Variants in SPTA1 observed in about 807,000 individuals in gnomAD.
The protein encoded by SPTA1 is spectrin alpha, erythrocytic 1.
A neutral mutation model predicts 324.7 loss-of-function variants in SPTA1; 177 were observed. That is an observed-to-expected ratio of 0.55 (90% confidence interval 0.48 to 0.62). SPTA1 has a LOEUF of 0.62. Among genes scored for constraint, SPTA1 ranks in the 20% least tolerant of loss-of-function variants. SPTA1 has a pLI of 0.00. For synonymous variants in SPTA1, 1,195 were observed against 1,041.3 expected (o/e 1.15, Z -2.84); for missense variants, 3,162 against 2,883.6 (o/e 1.10, Z -2.21).
chr1:158,657,449 C>A, intron 19 of SPTA1, 28 bp downstream of exon 19: 1 of 1,594,758 alleles, frequency 6.3e-7, no homozygotes. Context: ...GTTGAGGATT[C>A]ACAATGTTAA....
Position 158,671,454 on chromosome 1 carries a change from C to A in SPTA1, c.1489-1G>T. 1 of 1,611,448 alleles carries A rather than the reference C, an allele frequency of 6.2e-7. No homozygotes were observed. Among genetic ancestry groups the A allele is most frequent in the Non-Finnish European group, 8.5e-7 (1 of 1,178,980 alleles). Reference sequence around the variant, plus strand: ...CCAGATCCTCGTTTTCCAGGAAGGCCTGTAGAAGACAGAAAGACACACCTA... The same window carrying A: ...CCAGATCCTCGTTTTCCAGGAAGGCATGTAGAAGACAGAAAGACACACCTA... On this transcript the variant is annotated splice_acceptor_variant, in intron 11 of 51. Coordinates refer to ENST00000643759, the MANE Select transcript of SPTA1 (RefSeq NM_003126.4). LOFTEE classifies it high-confidence loss of function.
intron 2 of SPTA1, among the ~76,000 whole-genome samples, chr1:158,684,415 T>A (rs1655027950): frequency 6.6e-6 from 1 of 152,142 alleles, no homozygotes; most frequent in Admixed American, 6.6e-5. Context: ...TCCCAAAATA[T>A]CAAAAATCAC....
chr1:158,644,063 G>T (rs949214817), intron 30 of SPTA1, among the ~76,000 whole-genome samples, 190 bp downstream of exon 30: 3 of 150,026 alleles, frequency 2.0e-5, no homozygotes, highest in Non-Finnish European at 4.5e-5. Context: ...CTTGAACCCG[G>T]GAGGCAGAGG....
chr1:158,651,570 C>A, intron 23 of SPTA1, 102 bp from the exon 24 acceptor site: 1 of 809,840 alleles, frequency 1.2e-6, no homozygotes, highest in South Asian at 1.4e-5. Flanking sequence ...TCTGCCCCTA[C>A]ATCACCGTAA....
At chr1:158,627,504 T>C in intron 40 of SPTA1, 121 bp downstream of exon 40, 1 of 943,582 alleles carries the variant, frequency 1.1e-6, no homozygotes, top group Non-Finnish European at 1.7e-6. Context: ...TTAGAAGAGA[T>C]TGTTAAAGTT....
intron 45 of SPTA1, 78 bp downstream of exon 45, chr1:158,619,144 C>T: frequency 1.5e-6 from 2 of 1,344,144 alleles, no homozygotes; most frequent in Non-Finnish European, 2.1e-6. Context: ...CTCTCCTCTT[C>T]CCTTCAAACA....
intron 47 of SPTA1, among the ~76,000 whole-genome samples, chr1:158,616,784 G>A (rs559961116): frequency 6.6e-6 from 1 of 152,148 alleles, no homozygotes; most frequent in East Asian, 1.9e-4. Context: ...CCCAGTAATG[G>A]GATTGCTGAA....
intron 44 of SPTA1, 138 bp downstream of exon 44, chr1:158,620,032 A>G: frequency 8.4e-7 from 1 of 1,192,214 alleles, no homozygotes; most frequent in South Asian, 1.3e-5. Flanking sequence ...AGTTTTTCTT[A>G]GACAGTCATG....
At chr1:158,615,119 T>C in intron 48 of SPTA1, 97 bp downstream of exon 48, 1 of 1,408,208 alleles carries the variant, frequency 7.1e-7, no homozygotes, top group South Asian at 1.2e-5. Flanking sequence ...CTGAAGCAAC[T>C]CTTTTATCTG....
chr1:158,650,056 C>A, intron 24 of SPTA1, 109 bp from the exon 25 acceptor site: 2 of 817,584 alleles, frequency 2.4e-6, no homozygotes, highest in Non-Finnish European at 4.1e-6. Context: ...ACGTTATTTT[C>A]TTCAGAAATT....
intron 43 of SPTA1, chr1:158,620,840 G>GAAAAAAAAAAAAAAAAA (rs200959019): frequency 1.1e-5 from 1 of 89,506 alleles, no homozygotes; most frequent in African/African-American, 4.5e-5. Flanking sequence ...TAGTAAACAT[G>GAAAAAAAAAAAAAAAAA]AAAAAAAAAA....
In SPTA1 at chr1:158,681,580, A is replaced by G; in HGVS notation, c.478T>C (p.Phe160Leu). 6.2e-7 allele frequency: 1 copy of G among 1,613,716 alleles called. No homozygotes were observed. The change falls in exon 4 of 52, where the codon TTC (phenylalanine) becomes CTC (leucine). Residue 160 changes from phenylalanine to leucine, a missense_variant. By Grantham distance (22) the Phe-to-Leu change is conservative. Coordinates refer to ENST00000643759, the MANE Select transcript of SPTA1 (RefSeq NM_003126.4). ...GCACACTCCTGTACATACTGCTGGA[A>G]CTTCAGGGCCCGCAGCAACTGGTCA... ...KGDQLLRALKFQQYVQECADI... is the reference protein window; with the variant it reads ...KGDQLLRALKLQQYVQECADI...
In SPTA1 at chr1:158,640,011, A is replaced by C; in HGVS notation, c.4738-4T>G. On this transcript the variant is annotated splice_polypyrimidine_tract_variant and splice_region_variant and intron_variant, in intron 33 of 51. Transcript: ENST00000643759. ...CCTTCAGCTGTTCCAGTTGCTCCTA[A>C]CCCAAGGAGAGTGAGGAGTCATTAC... 6.2e-7 allele frequency: 1 copy of C among 1,613,694 alleles called. No homozygotes were observed. Among genetic ancestry groups the C allele is most frequent in the Non-Finnish European group, 8.5e-7 (1 of 1,179,782 alleles).
intron 24 of SPTA1, among the ~76,000 whole-genome samples, chr1:158,650,805 G>A (rs1652372198): frequency 6.6e-6 from 1 of 152,172 alleles, no homozygotes. Context: ...GGGTGGACAT[G>A]TAAGGAAAAA....
At chr1:158,635,757 C>A (rs1293450796) in intron 38 of SPTA1, among the ~76,000 whole-genome samples, 156 bp downstream of exon 38, 1 of 152,176 alleles carries the variant, frequency 6.6e-6, no homozygotes, top group East Asian at 1.9e-4. Context: ...TGGAGGAAAG[C>A]TTTGTGGTAA....
At chr1:158,645,022 A>G (rs1308451954) in intron 29 of SPTA1, among the ~76,000 whole-genome samples, 166 bp downstream of exon 29, 1 of 152,162 alleles carries the variant, frequency 6.6e-6, no homozygotes, top group East Asian at 1.9e-4. Context: ...GAATATGACA[A>G]TGATCGGTAT....
intron 43 of SPTA1, chr1:158,620,803 G>T (rs1463956626): frequency 1.3e-5 from 2 of 159,630 alleles, no homozygotes; most frequent in East Asian, 1.7e-4. Flanking sequence ...TTGTTCTAAA[G>T]TCTATCCTCC....
At chr1:158,626,336 T>A in intron 41 of SPTA1, 114 bp from the exon 42 acceptor site, 2 of 978,146 alleles carry the variant, frequency 2.0e-6, no homozygotes, top group Non-Finnish European at 3.2e-6. Context: ...CTCTCAAAGT[T>A]GATGATTAAT....
Position 158,654,765 on chromosome 1 carries a change from A to G in SPTA1, c.2899-17T>C. On this transcript the variant is annotated splice_polypyrimidine_tract_variant and intron_variant, in intron 20 of 51. Coordinates refer to ENST00000643759, the MANE Select transcript of SPTA1 (RefSeq NM_003126.4). ...CTGTTGTTGCTGAATAAAAACAGGA[A>G]GCAGGTGTCAGTCACGCACTGGAAA... 1.9e-6 allele frequency: 3 copies of G among 1,612,732 alleles called. No individual in the cohort carries two copies. Among genetic ancestry groups the G allele is most frequent in the South Asian group, 1.1e-5 (1 of 91,058 alleles).
Sources: gnomAD v4.1 joint callset for allele counts (sites outside exome capture counted in the v4.1 genomes callset) on GRCh38, gnomAD v4.1.1 for gene constraint, MANE v1.5 for transcripts, NCBI Gene and HGNC (gene_info 2026-07-23, HGNC 2026-07-21) for gene names.